DUS2: variants seen among roughly 807,000 people sequenced by gnomAD.
DUS2 encodes dihydrouridine synthase 2.
DUS2 carries 52 observed loss-of-function variants against 71.3 expected under a neutral mutation model. The ratio of observed to expected loss-of-function variants is 0.73; its 90% CI spans 0.58 to 0.92. DUS2 has a LOEUF of 0.92. DUS2 is among the 40% of genes least tolerant of loss of function. The pLI is 0.00. For synonymous variants in DUS2, 204 were observed against 227.8 expected (o/e 0.90, Z 0.94); for missense variants, 558 against 622.6 (o/e 0.90, Z 1.10).
intron 12 of DUS2, among the ~76,000 whole-genome samples, 165 bp from the exon 13 acceptor site, chr16:68,073,869 G>T (rs963413288): frequency 1.3e-5 from 2 of 152,164 alleles, no homozygotes; most frequent in Admixed American, 1.3e-4. Flanking sequence ...GATTACAGAT[G>T]TGAGCCACTG....
chr16:68,053,952 T>C (rs1598309485), intron 5 of DUS2: 2 of 370,548 alleles, frequency 5.4e-6, no homozygotes, highest in Admixed American at 4.1e-5. Flanking sequence ...TCCCTAGCAT[T>C]GATTACTCAG....
At chr16:68,043,328 C>T (rs1018081643) in intron 3 of DUS2, among the ~76,000 whole-genome samples, 1 of 151,986 alleles carries the variant, frequency 6.6e-6, no homozygotes, top group Admixed American at 6.6e-5. Flanking sequence ...ATTGCTTGAA[C>T]CCATGAGGCG....
intron 3 of DUS2, among the ~76,000 whole-genome samples, chr16:68,041,497 C>T (rs1216813898): frequency 6.6e-6 from 1 of 152,054 alleles, no homozygotes; most frequent in Non-Finnish European, 1.5e-5. Context: ...GACCCAGAGT[C>T]CTACAGCCCA....
In DUS2 at chr16:68,034,592, C is replaced by T. The variant is rs1032084570; in HGVS notation, c.-18-3414C>T. ...TGTTGTCCAGGCTTGTCTCAAACTCCTGAGCTCAAGCAATCCATCTGTCTC... is the reference window on the plus strand; with the variant it reads ...TGTTGTCCAGGCTTGTCTCAAACTCTTGAGCTCAAGCAATCCATCTGTCTC... On this transcript the variant is annotated intron_variant, in intron 2 of 16. Transcript: ENST00000565263. Among the ~76,000 whole-genome samples the T allele has an allele frequency of 2.6e-5, 4 of 152,144 alleles. No individual in the cohort carries two copies. The East Asian group carries it at 7.7e-4, about 29-fold the overall frequency.
chr16:68,060,068 A>G (rs940333526), intron 7 of DUS2, among the ~76,000 whole-genome samples: 2 of 152,202 alleles, frequency 1.3e-5, no homozygotes, highest in African/African-American at 4.8e-5. Flanking sequence ...TGTGCACCTT[A>G]GTAGCTTTGC....
intron 15 of DUS2, among the ~76,000 whole-genome samples, chr16:68,077,800 T>C (rs2034179427): frequency 6.6e-6 from 1 of 152,236 alleles, no homozygotes; most frequent in Non-Finnish European, 1.5e-5. Flanking sequence ...CCTTTGGTCC[T>C]TGCAGCCATG....
In DUS2 at chr16:68,074,171, A is replaced by T; in HGVS notation, c.932+16A>T. ...GGGAAATTTGGTAAGAGGCACAATA[A>T]GATGTCCATCTGTCCTTGTACGCAT... On this transcript the variant is annotated intron_variant, in intron 13 of 16. Transcript: ENST00000565263. 1.2e-6 allele frequency: 2 copies of T among 1,613,920 alleles called. No individual in the cohort carries two copies.
chr16:68,069,534 A>G (rs2034055092), intron 10 of DUS2, among the ~76,000 whole-genome samples: 1 of 152,206 alleles, frequency 6.6e-6, no homozygotes, highest in African/African-American at 2.4e-5. Flanking sequence ...CTCATGCACA[A>G]GAACTTGCAG....
rs772972518 is a variant in DUS2, at chr16:68,049,485, G to A, written c.127-20G>A. 1.3e-5 allele frequency: 21 copies of A among 1,613,594 alleles called. No homozygotes were observed. The highest frequency in any genetic ancestry group is 1.5e-5 in the Non-Finnish European group (18 of 1,179,630). On this transcript the variant is annotated intron_variant, in intron 3 of 16. Coordinates refer to ENST00000565263, the MANE Select transcript of DUS2 (RefSeq NM_017803.5). ...GCCTACATGTTCAGGAATGACAAGC[G>A]TCCTCTGATTCCTCTGCAGGAGCTG...
chr16:68,054,552 A>T, intron 5 of DUS2, 22 bp from the exon 6 acceptor site: 1 of 1,614,054 alleles, frequency 6.2e-7, no homozygotes, highest in Non-Finnish European at 8.5e-7. Flanking sequence ...GCAGTGGTTG[A>T]TGCAGCCTCT....
intron 3 of DUS2, among the ~76,000 whole-genome samples, chr16:68,042,032 C>T (rs1052694551): frequency 2.0e-5 from 3 of 152,116 alleles, no homozygotes; most frequent in Non-Finnish European, 2.9e-5. Context: ...TTCCCCTTCT[C>T]CCAGCCACTG....
intron 15 of DUS2, chr16:68,078,223 C>T (rs536867983): frequency 4.1e-5 from 24 of 578,388 alleles, no homozygotes; most frequent in South Asian, 2.8e-4. Flanking sequence ...GGCTCTGCTG[C>T]GCTTTGCTTA....
At chr16:68,047,163 C>A (rs2033715471) in intron 3 of DUS2, among the ~76,000 whole-genome samples, 1 of 143,998 alleles carries the variant, frequency 6.9e-6, no homozygotes, top group South Asian at 2.2e-4. Flanking sequence ...TCAAGCGATT[C>A]TCCTGCCTCA....
intron 3 of DUS2, among the ~76,000 whole-genome samples, chr16:68,044,464 C>T (rs924497591): frequency 2.0e-5 from 3 of 149,178 alleles, no homozygotes; most frequent in African/African-American, 7.5e-5. Context: ...GACATGATCT[C>T]AGCTCACTGC....
At chr16:68,038,453 G>A (rs1598302263) in intron 3 of DUS2, among the ~76,000 whole-genome samples, 1 of 152,136 alleles carries the variant, frequency 6.6e-6, no homozygotes, top group African/African-American at 2.4e-5. Context: ...AAAGAGGCCT[G>A]GCACAGTGGC....
chr16:68,050,326 AG>A (rs1266641575), intron 4 of DUS2, among the ~76,000 whole-genome samples: 3 of 151,932 alleles, frequency 2.0e-5, no homozygotes, highest in African/African-American at 4.8e-5. Context: ...TTAGTAGAGA[AG>A]GGGTTTCACC....
intron 10 of DUS2, among the ~76,000 whole-genome samples, chr16:68,069,117 G>C (rs988354800): frequency 1.3e-5 from 2 of 152,002 alleles, no homozygotes; most frequent in African/African-American, 4.8e-5. Flanking sequence ...GCCCGGGCGC[G>C]GTGGCTAACG....
intron 11 of DUS2, among the ~76,000 whole-genome samples, chr16:68,070,692 G>A (rs2034072017): frequency 6.6e-6 from 1 of 152,174 alleles, no homozygotes; most frequent in African/African-American, 2.4e-5. Context: ...TAGATTAGGG[G>A]CAAGGAAAGT....
intron 2 of DUS2, among the ~76,000 whole-genome samples, chr16:68,031,481 C>A (rs953390043): frequency 2.0e-5 from 3 of 151,952 alleles, no homozygotes; most frequent in African/African-American, 7.2e-5. Flanking sequence ...TGTTTCTAAG[C>A]AACTTATATA....
Sources: allele counts gnomAD v4.1 joint callset (sites outside exome capture counted in the v4.1 genomes callset), GRCh38; gene constraint gnomAD v4.1.1; transcripts MANE v1.5; gene names NCBI Gene and HGNC (gene_info 2026-07-23, HGNC 2026-07-21).